The following TMEM132C variants were observed in gnomAD, a reference collection of about 807,000 sequenced individuals.
TMEM132C encodes transmembrane protein 132C.
A neutral mutation model predicts 61.4 loss-of-function variants in TMEM132C; 29 were observed. That is an observed-to-expected ratio of 0.47 (90% confidence interval 0.35 to 0.64). The LOEUF is 0.64. Ranked by LOEUF, TMEM132C falls within the 30% of genes least tolerant of loss-of-function variation. TMEM132C has a pLI of 0.00. For missense variants in TMEM132C, 1,408 were observed against 1,476.9 expected (o/e 0.95, Z 0.76); for synonymous variants, 656 against 633.1 (o/e 1.04, Z -0.54).
intron 1 of TMEM132C, among the ~76,000 whole-genome samples, chr12:128,333,018 T>A (rs1872700016): frequency 6.6e-6 from 1 of 152,204 alleles, no homozygotes; most frequent in Admixed American, 6.5e-5. Flanking sequence ...TTAGATGCCT[T>A]ACTGATTATT....
chr12:128,343,352 A>T (rs1434838472), intron 1 of TMEM132C, among the ~76,000 whole-genome samples: 5 of 149,620 alleles, frequency 3.3e-5, no homozygotes, highest in Admixed American at 2.0e-4. Context: ...TGAACCTGAG[A>T]GGCGGAGGTT....
At chr12:128,611,427 A>G (rs1189804111) in intron 3 of TMEM132C, among the ~76,000 whole-genome samples, 3 of 152,256 alleles carry the variant, frequency 2.0e-5, no homozygotes, top group Admixed American at 6.5e-5. Context: ...TGTTGACAAC[A>G]CATCTGATTG....
intron 4 of TMEM132C, among the ~76,000 whole-genome samples, chr12:128,666,120 C>A (rs12229797): frequency 0.22 from 31,119 of 142,468 alleles, 3,683 homozygotes; most frequent in South Asian, 0.33. Flanking sequence ...CACACAGGCA[C>A]CCACACACAC....
At chr12:128,407,223 C>T (rs1280318331) in intron 1 of TMEM132C, among the ~76,000 whole-genome samples, 1 of 152,196 alleles carries the variant, frequency 6.6e-6, no homozygotes, top group African/African-American at 2.4e-5. Context: ...ATAAAGGGCA[C>T]TTCCCCTGCA....
intron 2 of TMEM132C, among the ~76,000 whole-genome samples, chr12:128,537,793 A>G (rs912887703): frequency 6.6e-6 from 1 of 152,236 alleles, no homozygotes; most frequent in Non-Finnish European, 1.5e-5. Flanking sequence ...GAAAACGTGT[A>G]AAATCTAAAT....
At chr12:128,583,291 T>C (rs1258794985) in intron 3 of TMEM132C, among the ~76,000 whole-genome samples, 3 of 125,256 alleles carry the variant, frequency 2.4e-5, no homozygotes, top group African/African-American at 8.0e-5. Flanking sequence ...ATACAACATA[T>C]ACATAAGTAA....
intron 1 of TMEM132C, among the ~76,000 whole-genome samples, chr12:128,340,930 C>T (rs1382649603): frequency 1.4e-5 from 2 of 145,596 alleles, no homozygotes; most frequent in African/African-American, 5.3e-5. Flanking sequence ...CTCTCTCTCT[C>T]TCTCTCTCTC....
chr12:128,385,815 C>T (rs900985114), intron 1 of TMEM132C, among the ~76,000 whole-genome samples: 10 of 152,176 alleles, frequency 6.6e-5, no homozygotes, highest in African/African-American at 4.8e-5. Context: ...ATTTGATCTG[C>T]GGCTCTGATT....
At chr12:128,699,291 G>A (rs1026213203) in intron 8 of TMEM132C, among the ~76,000 whole-genome samples, 24 of 152,170 alleles carry the variant, frequency 1.6e-4, no homozygotes, top group African/African-American at 4.3e-4. Context: ...CTCACAGTGC[G>A]GTGGGTGGGC....
At position 128,326,512 on chromosome 12, in the gene TMEM132C, C is replaced by A. The variant is rs1872522190; in HGVS notation, c.85+59025C>A. On this transcript the variant is annotated intron_variant, in intron 1 of 8. Coordinates refer to ENST00000435159, the MANE Select transcript of TMEM132C (RefSeq NM_001136103.3). This position sits in a 1 kb window ranked among gnomAD's most constrained non-coding sequence, Gnocchi z 5.6. ...AGAGGGGTCTTGGTTTTCCATCCTG[C>A]CCTGAGCCTAGTGTGAGGTGGAGCA... Among the ~76,000 whole-genome samples the A allele has an allele frequency of 6.6e-6, 1 of 152,210 alleles. No individual in the cohort carries two copies. The highest frequency in any genetic ancestry group is 2.1e-4 in the South Asian group (1 of 4,834).
rs947063117 is a variant in TMEM132C at position 128,433,872 on chromosome 12, C to T, written c.974+18252C>T. Among the ~76,000 whole-genome samples, 4 of 152,254 alleles carry T rather than the reference C, an allele frequency of 2.6e-5. 1 individual carries two copies. The highest frequency in any genetic ancestry group is 9.6e-5 in the African/African-American group (4 of 41,472). On this transcript the variant is annotated intron_variant, in intron 2 of 8. Coordinates refer to ENST00000435159, the MANE Select transcript of TMEM132C (RefSeq NM_001136103.3). ...AGGGCCATAGCCCCCACACAATCCC[C>T]TATGTTTCCTGTGCAGTACAAAAGA...
chr12:128,593,163 CCT>C (rs1007883035), intron 3 of TMEM132C, among the ~76,000 whole-genome samples: 1 of 148,536 alleles, frequency 6.7e-6, no homozygotes, highest in African/African-American at 2.5e-5. Context: ...TCTCTCCTTC[CCT>C]CTCTTTCTCT....
At chr12:128,517,075 A>C (rs1427217787) in intron 2 of TMEM132C, among the ~76,000 whole-genome samples, 2 of 150,058 alleles carry the variant, frequency 1.3e-5, no homozygotes, top group Non-Finnish European at 3.0e-5. Context: ...ACAAAAAAAA[A>C]AAAAAATTAG....
At chr12:128,561,311 TC>T (rs1271814181) in intron 3 of TMEM132C, among the ~76,000 whole-genome samples, 1 of 152,234 alleles carries the variant, frequency 6.6e-6, no homozygotes, top group African/African-American at 2.4e-5. Flanking sequence ...TAGAGCTTCT[TC>T]ATCTTTATTT....
intron 1 of TMEM132C, among the ~76,000 whole-genome samples, chr12:128,277,845 G>T (rs1445715673): frequency 6.6e-6 from 1 of 152,104 alleles, no homozygotes; most frequent in Admixed American, 6.5e-5. Context: ...AATTAGGAAG[G>T]TGGCCTTCTT....
chr12:128,393,845 G>C (rs73159827), intron 1 of TMEM132C, among the ~76,000 whole-genome samples: 4 of 152,206 alleles, frequency 2.6e-5, no homozygotes, highest in Non-Finnish European at 4.4e-5. Context: ...TGACTCAGCC[G>C]TGCTCCTTTT....
intron 2 of TMEM132C, among the ~76,000 whole-genome samples, chr12:128,458,626 A>C (rs1357155750): frequency 6.6e-6 from 1 of 152,086 alleles, no homozygotes; most frequent in Non-Finnish European, 1.5e-5. Context: ...CTTCACATAA[A>C]AGCCGTGGTG....
At chr12:128,333,832 G>GGT (rs1173254620) in intron 1 of TMEM132C, among the ~76,000 whole-genome samples, 3 of 150,904 alleles carry the variant, frequency 2.0e-5, no homozygotes, top group Non-Finnish European at 1.5e-5. Context: ...GAGAGTTTGT[G>GGT]GTGTGTGTAT....
intron 2 of TMEM132C, among the ~76,000 whole-genome samples, chr12:128,478,370 C>T (rs1177991889): frequency 6.6e-6 from 1 of 152,156 alleles, no homozygotes; most frequent in Non-Finnish European, 1.5e-5. Context: ...AGCAAAGGCT[C>T]ACTTCCACCT....
Sources: allele counts gnomAD v4.1 joint callset (sites outside exome capture counted in the v4.1 genomes callset), GRCh38; gene constraint gnomAD v4.1.1; non-coding constraint Gnocchi (gnomAD v3.1); transcripts MANE v1.5; gene names NCBI Gene and HGNC (gene_info 2026-07-23, HGNC 2026-07-21).